The following SIK3 variants were observed in gnomAD, a reference collection of about 807,000 sequenced individuals.
SIK3 encodes the protein SIK family kinase 3.
Under a neutral mutation model 144.2 loss-of-function variants are expected in SIK3, and 28 were observed. The observed-to-expected ratio is 0.19, with a 90% CI of 0.14 to 0.27. The LOEUF (loss-of-function observed/expected upper bound fraction) is 0.27, where lower values mean the gene tolerates loss of function less well. Among genes scored for constraint, SIK3 ranks in the 10% least tolerant of loss-of-function variants. SIK3 has a pLI of 1.00. For synonymous variants in SIK3, 686 were observed against 676.3 expected (o/e 1.01, Z -0.22); for missense variants, 1,319 against 1,776.0 (o/e 0.74, Z 4.62).
chr11:116,885,450 C>G (rs78686720), intron 6 of SIK3, among the ~76,000 whole-genome samples: 12 of 152,260 alleles, frequency 7.9e-5, no homozygotes, highest in Admixed American at 1.3e-4. Flanking sequence ...ATCAGGAAAT[C>G]CTGGCCTAAA....
intron 1 of SIK3, among the ~76,000 whole-genome samples, chr11:117,000,155 C>T (rs1950801414): frequency 6.6e-6 from 1 of 152,054 alleles, no homozygotes; most frequent in South Asian, 2.1e-4. Flanking sequence ...GGCCTATTGC[C>T]CAACCTTAAT....
At chr11:116,941,222 G>A (rs757806755) in intron 3 of SIK3, among the ~76,000 whole-genome samples, 2 of 151,964 alleles carry the variant, frequency 1.3e-5, no homozygotes, top group Non-Finnish European at 2.9e-5. Flanking sequence ...TAGCCAGGAT[G>A]GTCTCAATCT....
intron 1 of SIK3, among the ~76,000 whole-genome samples, chr11:116,998,138 C>T (rs529792136): frequency 1.3e-5 from 2 of 151,360 alleles, no homozygotes; most frequent in East Asian, 3.9e-4. Context: ...TATGTTTTTA[C>T]CTCCACAGGT....
chr11:116,913,222 A>G (rs1040839565), intron 4 of SIK3, among the ~76,000 whole-genome samples: 2 of 152,182 alleles, frequency 1.3e-5, no homozygotes, highest in African/African-American at 2.4e-5. Context: ...ACTAGGAGCT[A>G]ATAGAGAAGT....
chr11:116,875,288 A>G (rs1944188755), intron 10 of SIK3, 21 bp from the exon 11 acceptor site: 1 of 1,613,208 alleles, frequency 6.2e-7, no homozygotes, highest in Admixed American at 1.7e-5. Context: ...GGGAAACACC[A>G]TCGAGTTAGA....
chr11:116,863,916 C>A (rs559032446), intron 15 of SIK3, 98 bp from the exon 16 acceptor site: 5 of 1,306,558 alleles, frequency 3.8e-6, no homozygotes, highest in African/African-American at 1.5e-5. Context: ...AGACGGCTGG[C>A]TGCCCAGGTA....
intron 19 of SIK3, among the ~76,000 whole-genome samples, chr11:116,860,534 C>T (rs886776347): frequency 4.6e-5 from 7 of 152,260 alleles, no homozygotes; most frequent in African/African-American, 7.2e-5. Context: ...GACAGCCAAA[C>T]GGAGGCATGT....
intron 1 of SIK3, among the ~76,000 whole-genome samples, chr11:117,013,967 C>CTTTTTTTT (rs1951406146): frequency 4.2e-3 from 31 of 7,336 alleles, no homozygotes; most frequent in African/African-American, 8.3e-3. Context: ...TTCTTTTTTT[C>CTTTTTTTT]TTTTCTTTTT....
chr11:117,022,092 C>T (rs1319582826), intron 1 of SIK3, among the ~76,000 whole-genome samples: 2 of 151,872 alleles, frequency 1.3e-5, no homozygotes, highest in Non-Finnish European at 2.9e-5. Context: ...TAAGTAAATC[C>T]TACTTTATTT....
At chr11:116,901,771 G>C (rs78197258) in intron 4 of SIK3, among the ~76,000 whole-genome samples, 2,010 of 152,182 alleles carry the variant, frequency 0.013, 54 homozygotes, top group African/African-American at 0.045. Flanking sequence ...ACTTAATGTT[G>C]ACTATGAACA....
intron 1 of SIK3, among the ~76,000 whole-genome samples, chr11:117,038,920 T>C (rs1278910947): frequency 6.6e-6 from 1 of 151,596 alleles, no homozygotes; most frequent in Non-Finnish European, 1.5e-5. Context: ...CATGGTGGTG[T>C]GTGCCTCTAA....
chr11:116,972,048 C>T (rs991258634), intron 1 of SIK3, among the ~76,000 whole-genome samples: 26 of 149,842 alleles, frequency 1.7e-4, no homozygotes, highest in African/African-American at 6.5e-4. Flanking sequence ...GATCGCCTCA[C>T]TGCACTCCAG....
chr11:116,943,720 T>G (rs968440098), intron 3 of SIK3, among the ~76,000 whole-genome samples: 6 of 152,164 alleles, frequency 3.9e-5, no homozygotes, highest in African/African-American at 1.4e-4. Flanking sequence ...TCCGGTGACC[T>G]AGAACTCTAC....
intron 4 of SIK3, among the ~76,000 whole-genome samples, chr11:116,917,095 C>T (rs1247181246): frequency 6.6e-6 from 1 of 152,094 alleles, no homozygotes; most frequent in African/African-American, 2.4e-5. Flanking sequence ...GCTGGGACTA[C>T]AGGTGCGTGC....
At chr11:116,876,105 C>A in intron 8 of SIK3, 96 bp from the exon 9 acceptor site, 1 of 1,538,264 alleles carries the variant, frequency 6.5e-7, no homozygotes, top group Non-Finnish European at 8.9e-7. Flanking sequence ...AAAGCACCTT[C>A]TTTCCTTCTT....
intron 15 of SIK3, chr11:116,864,501 G>A (rs2134449801): frequency 6.6e-6 from 1 of 152,350 alleles, no homozygotes; most frequent in Middle Eastern, 3.4e-3. Context: ...TAATGAAAGA[G>A]GAATCATATG....
intron 1 of SIK3, among the ~76,000 whole-genome samples, chr11:116,974,336 C>T (rs1018660852): frequency 6.6e-6 from 1 of 152,222 alleles, no homozygotes; most frequent in Non-Finnish European, 1.5e-5. Context: ...TAACAAACAA[C>T]ATTTCTTCAC....
intron 1 of SIK3, among the ~76,000 whole-genome samples, chr11:117,084,660 TTTAA>T (rs1447719531): frequency 1.3e-5 from 2 of 152,214 alleles, no homozygotes; most frequent in African/African-American, 4.8e-5. Context: ...AGTTATGTAA[TTTAA>T]TTAAATAGAA....
At chr11:116,940,377 G>A (rs1385602947) in intron 3 of SIK3, among the ~76,000 whole-genome samples, 1 of 151,860 alleles carries the variant, frequency 6.6e-6, no homozygotes, top group Non-Finnish European at 1.5e-5. Context: ...CTATAGGCGT[G>A]TGTCACCACG....
Sources: gnomAD v4.1 joint callset for allele counts (sites outside exome capture counted in the v4.1 genomes callset) on GRCh38, gnomAD v4.1.1 for gene constraint, MANE v1.5 for transcripts, NCBI Gene and HGNC (gene_info 2026-07-23, HGNC 2026-07-21) for gene names.